Variants in CA9 observed in about 807,000 individuals in gnomAD.
CA9 encodes the protein CA-IX.
A neutral mutation model predicts 51.8 loss-of-function variants in CA9; 43 were observed. The observed-to-expected ratio is 0.83, with a 90% CI of 0.65 to 1.07. The LOEUF (loss-of-function observed/expected upper bound fraction) is 1.07. Among genes scored for constraint, CA9 ranks in the 50% least tolerant of loss-of-function variants. The pLI is 0.00. For synonymous variants in CA9, 253 were observed against 244.2 expected (o/e 1.04, Z -0.34); for missense variants, 574 against 581.4 (o/e 0.99, Z 0.13).
Position 35,676,489 on chromosome 9 carries a change from A to C in CA9, c.840+100A>C, listed in dbSNP as rs761127310. 51 of 951,802 alleles carry C rather than the reference A, an allele frequency of 5.4e-5. 1 individual carries two copies. Among genetic ancestry groups the C allele is most frequent in the Middle Eastern group, 4.8e-4 (2 of 4,194 alleles). The allele number at this position is 951,802 out of a possible 1,614,324, so 59.0% of individuals were successfully genotyped here. On this transcript the variant is annotated intron_variant, in intron 5 of 10. Transcript: ENST00000378357. ...AGACCCCATCCCAGCAAGCTCACTCAGGCCCCTGGCTGACAAACTCATTCA... is the reference window on the plus strand; with the variant it reads ...AGACCCCATCCCAGCAAGCTCACTCCGGCCCCTGGCTGACAAACTCATTCA...
intron 1 of CA9, 50 bp downstream of exon 1, chr9:35,674,412 C>T: frequency 6.6e-7 from 1 of 1,519,988 alleles, no homozygotes. Flanking sequence ...TTCATGACTC[C>T]CCTCCCATAC....
chr9:35,679,211 G>T lies in CA9; in HGVS notation c.934G>T (p.Asp312Tyr). 6.2e-7 allele frequency: 1 copy of T among 1,614,106 alleles called. No individual in the cohort carries two copies. Among genetic ancestry groups the T allele is most frequent in the Non-Finnish European group, 8.5e-7 (1 of 1,180,014 alleles). ...EGSETQVPGL[D>Y]ISALLPSDFS... Reference sequence around the variant, plus strand: ...CTCAGAGACTCAGGTCCCAGGACTGGACATATCTGCACTCCTGCCCTCTGA... The same window carrying T: ...CTCAGAGACTCAGGTCCCAGGACTGTACATATCTGCACTCCTGCCCTCTGA... Residue 312 changes from aspartate (D) to tyrosine (Y), a missense_variant, in exon 7 of 11, where the codon GAC becomes TAC. Transcript: ENST00000378357.
intron 6 of CA9, 94 bp downstream of exon 6, chr9:35,677,950 TC>T: frequency 1.0e-6 from 1 of 1,002,370 alleles, no homozygotes; most frequent in Non-Finnish European, 1.6e-6. Flanking sequence ...ATGGGCTCCC[TC>T]CAGTGCAGGA....
rs755926247 is a variant in CA9 at position 35,675,849 on chromosome 9, C to T, written c.522C>T (p.Cys174=). The change falls in exon 3 of 11, where the codon TGC becomes TGT. Residue 174 remains cysteine (C), a synonymous_variant. Transcript: ENST00000378357. The stretch of plus-strand genomic sequence containing the variant: ...TCCGCCCCCAGCTCGCCGCCTTCTG[C>T]CCGGCCCTGCGCCCCCTGGAACTCC... ...VDIRPQLAAF[C]PALRPLELLG... 9.3e-6 allele frequency: 15 copies of T among 1,604,932 alleles called. No individual in the cohort carries two copies. The highest frequency in any genetic ancestry group is 1.0e-5 in the Non-Finnish European group (12 of 1,179,440).
intron 5 of CA9, among the ~76,000 whole-genome samples, chr9:35,676,869 A>T (rs1050201608): frequency 2.6e-5 from 4 of 151,946 alleles, no homozygotes; most frequent in Admixed American, 6.6e-5. Context: ...TTATTTATTT[A>T]TTTTTTTGAC....
rs1486015468 is a variant in CA9 at position 35,674,007 on chromosome 9, C to T, written c.48C>T (p.Ala16=). Residue 16 remains alanine, a synonymous_variant, in exon 1 of 11, where the codon GCC becomes GCT. Coordinates refer to ENST00000378357, the MANE Select transcript of CA9 (RefSeq NM_001216.3). The part of the protein sequence containing the change: ...PSPWLPLLIP[A]PAPGLTVQLL... ...CCTGGCTCCCTCTGTTGATCCCGGC[C>T]CCTGCTCCAGGCCTCACTGTGCAAC... 1.4e-5 allele frequency: 23 copies of T among 1,612,852 alleles called. No individual in the cohort carries two copies. Among genetic ancestry groups the T allele is most frequent in the Non-Finnish European group, 1.9e-5 (22 of 1,179,362 alleles).
chr9:35,676,119 C>T lies in CA9; in HGVS notation c.660C>T (p.Tyr220=), dbSNP rs1206859747. The stretch of plus-strand genomic sequence containing the variant: ...TGGCTCTGGGTCCCGGGCGGGAGTA[C>T]CGGGCTCTGCAGCTGCATCTGCACT... ...LEMALGPGRE[Y]RALQLHLHWG... is the part of the protein sequence containing the mutation. Residue 220 remains tyrosine (Y), a synonymous_variant, in exon 4 of 11, where the codon TAC becomes TAT. Coordinates refer to ENST00000378357, the MANE Select transcript of CA9 (RefSeq NM_001216.3). 1 of 1,613,586 alleles carries T rather than the reference C, an allele frequency of 6.2e-7. No individual in the cohort carries two copies. The highest frequency in any genetic ancestry group is 1.3e-5 in the African/African-American group (1 of 74,948).
chr9:35,679,376 C>T lies in CA9; in HGVS notation c.1065+34C>T, dbSNP rs201325389. On this transcript the variant is annotated intron_variant, in intron 7 of 10. Transcript: ENST00000378357. ...GGGGTGTGTGTGGACACAGTGGGTG[C>T]GGGGGAAAGAGGATGTAAGATGAGA... 2.8e-4 allele frequency: 448 copies of T among 1,585,590 alleles called. 4 individuals carry two copies. In the South Asian group the frequency reaches 3.8e-3, roughly 13 times the overall value.
At chr9:35,675,348 A>G in intron 1 of CA9, 190 bp from the exon 2 acceptor site, 1 of 636,968 alleles carries the variant, frequency 1.6e-6, no homozygotes. Context: ...AGCTGGTAGG[A>G]TTGCTGTTTG....
chr9:35,675,436 C>G, intron 1 of CA9, 102 bp from the exon 2 acceptor site: 1 of 1,327,248 alleles, frequency 7.5e-7, no homozygotes, highest in Non-Finnish European at 1.1e-6. Flanking sequence ...ATTTGTTACC[C>G]GTAATGCTCC....
At position 35,676,396 on chromosome 9, in the gene CA9, G is replaced by C. The variant is rs572007889; in HGVS notation, c.840+7G>C. On this transcript the variant is annotated splice_region_variant and intron_variant, in intron 5 of 10. Transcript: ENST00000378357. ...GTTGGCCGCCTTTCTGGAGGTACCA[G>C]ATCCTGGACACCCCCTACTCCCCGC... The C allele has an allele frequency of 6.2e-7, 1 of 1,607,530 alleles. No individual in the cohort carries two copies. The highest frequency in any genetic ancestry group is 1.3e-5 in the African/African-American group (1 of 74,958).
chr9:35,678,516 GTTGGAAATCGTTCTCTTC>G (rs1434496782), intron 6 of CA9, among the ~76,000 whole-genome samples: 2 of 151,886 alleles, frequency 1.3e-5, no homozygotes, highest in South Asian at 4.2e-4. Flanking sequence ...AAATACTTTT[GTTGGAAATCGTTCTCTTC>G]TTAGTCACTC....
At chr9:35,680,246 A>G (rs1824512865) in intron 9 of CA9, 107 bp downstream of exon 9, 5 of 1,264,590 alleles carry the variant, frequency 4.0e-6, no homozygotes, top group Non-Finnish European at 3.5e-6. Context: ...TCTGCAGAAC[A>G]GACCCCAACC....
intron 8 of CA9, 43 bp from the exon 9 acceptor site, chr9:35,680,070 T>C (rs756394763): frequency 6.2e-6 from 10 of 1,614,164 alleles, no homozygotes; most frequent in Non-Finnish European, 8.5e-6. Flanking sequence ...TGTCTGTCAT[T>C]GGTGGTCACA....
intron 5 of CA9, among the ~76,000 whole-genome samples, chr9:35,677,508 C>T (rs1213473777): frequency 1.3e-5 from 2 of 152,120 alleles, no homozygotes; most frequent in African/African-American, 4.8e-5. Context: ...CTCCCTCTCT[C>T]TCCAGCTTGT....
Position 35,679,355 on chromosome 9 carries a change from T to C in CA9, c.1065+13T>C. 6.2e-7 allele frequency: 1 copy of C among 1,607,502 alleles called. No homozygotes were observed. Among genetic ancestry groups the C allele is most frequent in the Non-Finnish European group, 8.5e-7 (1 of 1,176,916 alleles). On this transcript the variant is annotated intron_variant, in intron 7 of 10. Transcript: ENST00000378357. ...GAGTGCTAAGCAGGTGGGCCTGGGG[T>C]GTGTGTGGACACAGTGGGTGCGGGG...
chr9:35,674,455 G>C, intron 1 of CA9, 93 bp downstream of exon 1: 1 of 1,245,136 alleles, frequency 8.0e-7, no homozygotes, highest in Non-Finnish European at 1.1e-6. Flanking sequence ...CAGGGAAGGA[G>C]GGGAGACTGT....
In CA9 at chr9:35,673,964, C is replaced by T; in HGVS notation, c.5C>T (p.Ala2Val). Residue 2 changes from alanine (A) to valine (V), a missense_variant, in exon 1 of 11, where the codon GCT becomes GTT. Physicochemically the swap from Ala to Val is moderately conservative, Grantham distance 64 (BLOSUM62 0). Coordinates refer to ENST00000378357, the MANE Select transcript of CA9 (RefSeq NM_001216.3). Reference protein sequence around the residue: MAPLCPSPWLPL... With the variant: MVPLCPSPWLPL... ...GGACACCCCACAGTCAGCCGCATGG[C>T]TCCCCTGTGCCCCAGCCCCTGGCTC... 1.9e-6 allele frequency: 3 copies of T among 1,597,168 alleles called. No individual in the cohort carries two copies. The East Asian group carries it at 6.7e-5, about 36-fold the overall frequency.
chr9:35,680,037 T>C lies in CA9; in HGVS notation c.1210+39T>C. The stretch of plus-strand genomic sequence containing the variant: ...TGGTTTCCCCCCAGCCAGTAGTCCC[T>C]TATCCTCCCATGTGTGTGCCAGTGT... On this transcript the variant is annotated intron_variant, in intron 8 of 10. Coordinates refer to ENST00000378357, the MANE Select transcript of CA9 (RefSeq NM_001216.3). 4 of 1,614,210 alleles carry C rather than the reference T, an allele frequency of 2.5e-6. No homozygotes were observed. The South Asian group carries it at 3.3e-5, about 13-fold the overall frequency.
Sources: gnomAD v4.1 joint callset for allele counts (sites outside exome capture counted in the v4.1 genomes callset) on GRCh38, gnomAD v4.1.1 for gene constraint, MANE v1.5 for transcripts, NCBI Gene and HGNC (gene_info 2026-07-23, HGNC 2026-07-21) for gene names.